The following EYS variants were observed in gnomAD, a reference collection of about 807,000 sequenced individuals.
EYS encodes the protein protein eyes shut homolog.
In EYS, 250 loss-of-function variants were observed where a neutral mutation model predicts 282.1. The observed-to-expected ratio is 0.89, with a 90% CI of 0.80 to 0.98. The LOEUF (loss-of-function observed/expected upper bound fraction) is 0.98, where lower values mean the gene tolerates loss of function less well. Ranked by LOEUF, EYS falls within the 50% of genes least tolerant of loss-of-function variation. EYS has a pLI of 0.00. For missense variants in EYS, 4,016 were observed against 3,709.0 expected, an observed-to-expected ratio of 1.08 and a Z score of -2.15; for synonymous variants, 1,355 against 1,282.9, an observed-to-expected ratio of 1.06 and a Z score of -1.20.
intron 5 of EYS, among the ~76,000 whole-genome samples, chr6:65,459,130 T>C (rs1004285243): frequency 6.6e-6 from 1 of 152,118 alleles, no homozygotes; most frequent in African/African-American, 2.4e-5. Context: ...TAAAATCTGA[T>C]AAGATGGCTC....
chr6:64,001,317 G>C (rs1290430973), intron 33 of EYS, among the ~76,000 whole-genome samples: 1 of 152,192 alleles, frequency 6.6e-6, no homozygotes, highest in Non-Finnish European at 1.5e-5. Flanking sequence ...GATCTCTAAG[G>C]AGATTTTTGT....
At chr6:65,216,546 G>A (rs1453397711) in intron 12 of EYS, among the ~76,000 whole-genome samples, 1 of 151,758 alleles carries the variant, frequency 6.6e-6, no homozygotes, top group Non-Finnish European at 1.5e-5. Context: ...AGAAGCACTA[G>A]TTTGCTATTG....
chr6:63,915,949 G>A (rs991293664), intron 35 of EYS, among the ~76,000 whole-genome samples: 3 of 152,184 alleles, frequency 2.0e-5, no homozygotes, highest in Non-Finnish European at 4.4e-5. Context: ...TGATGTAAAC[G>A]TTACTGAAAT....
chr6:64,293,673 C>G (rs906207921), intron 30 of EYS, among the ~76,000 whole-genome samples: 1 of 151,920 alleles, frequency 6.6e-6, no homozygotes, highest in Non-Finnish European at 1.5e-5. Context: ...TTTTTTTTAA[C>G]AAAGTATTTT....
At chr6:63,975,992 C>G (rs1012119053) in intron 35 of EYS, among the ~76,000 whole-genome samples, 6 of 152,004 alleles carry the variant, frequency 3.9e-5, no homozygotes, top group Non-Finnish European at 5.9e-5. Context: ...TAATACAGAT[C>G]TGTACAGCAT....
chr6:65,655,604 T>TA (rs1767792688), intron 1 of EYS, among the ~76,000 whole-genome samples: 1 of 151,820 alleles, frequency 6.6e-6, no homozygotes. Context: ...TCAACACTTT[T>TA]AAAATAGGCC....
intron 33 of EYS, among the ~76,000 whole-genome samples, chr6:64,045,442 T>TTTTA (rs1206914627): frequency 2.4e-5 from 3 of 124,290 alleles, no homozygotes; most frequent in African/African-American, 5.7e-5. Context: ...ATTTTATTTA[T>TTTTA]TTTATTTTAT....
rs2149679001 is a variant in EYS at position 63,806,366 on chromosome 6, T to C, written c.7235A>G (p.Asn2412Ser). 1 of 1,533,958 alleles carries C rather than the reference T, an allele frequency of 6.5e-7. No individual in the cohort carries two copies. ...GCCACTGAACCTTGGCTGAGTAATATTAATAGCTGTGAAAAAACCCAAACC... is the reference window on the plus strand; with the variant it reads ...GCCACTGAACCTTGGCTGAGTAATACTAATAGCTGTGAAAAAACCCAAACC... ...RSGPLCTDAINITQPRFSGTD... is the reference protein window; with the variant it reads ...RSGPLCTDAISITQPRFSGTD... The change falls in exon 37 of 43, where the codon AAT (asparagine) becomes AGT (serine). Residue 2412 changes from asparagine (N) to serine (S), a missense_variant. Transcript: ENST00000503581.
intron 22 of EYS, among the ~76,000 whole-genome samples, chr6:64,782,200 G>A (rs1773884116): frequency 6.6e-6 from 1 of 152,158 alleles, no homozygotes; most frequent in Non-Finnish European, 1.5e-5. Flanking sequence ...CTGTATTTAT[G>A]CCCCATACTT....
chr6:64,049,145 G>C (rs1770725513), intron 33 of EYS, among the ~76,000 whole-genome samples: 1 of 152,122 alleles, frequency 6.6e-6, no homozygotes, highest in African/African-American at 2.4e-5. Context: ...ACAGTGATCA[G>C]TTGTTTTTCC....
chr6:65,023,873 G>A (rs1254143143), intron 13 of EYS, among the ~76,000 whole-genome samples: 1 of 152,200 alleles, frequency 6.6e-6, no homozygotes, highest in South Asian at 2.1e-4. Flanking sequence ...GCTGAGAGAA[G>A]ATGCTGAATT....
intron 26 of EYS, among the ~76,000 whole-genome samples, chr6:64,481,308 C>A (rs1776430980): frequency 6.9e-6 from 1 of 145,798 alleles, no homozygotes; most frequent in Admixed American, 6.9e-5. Flanking sequence ...AATTAGAGAG[C>A]ATAGAAAAAG....
At chr6:63,741,550 A>C (rs749467471) in intron 41 of EYS, among the ~76,000 whole-genome samples, 32 of 152,216 alleles carry the variant, frequency 2.1e-4, no homozygotes, top group Admixed American at 1.6e-3. Flanking sequence ...AAGATCAAGA[A>C]AAAGATTCAA....
Position 64,703,334 on chromosome 6 carries a change from T to TACTGGAGG in EYS, c.3444-77097_3444-77090dup, listed in dbSNP as rs202165160. 4.4e-3 allele frequency among the ~76,000 whole-genome samples: 658 copies of TACTGGAGG among 148,504 alleles called. 2 individuals carry two copies. Among genetic ancestry groups the TACTGGAGG allele is most frequent in the African/African-American group, 0.015 (622 of 40,484 alleles). Reference sequence around the variant, plus strand: ...GCAATGCTAATTTTTTATGTATGTATACTGGAGGTTTCTTAAATATATACA... The same window carrying TACTGGAGG: ...GCAATGCTAATTTTTTATGTATGTATACTGGAGGACTGGAGGTTTCTTAAATATATACA... On this transcript the variant is annotated intron_variant, in intron 22 of 42. Transcript: ENST00000503581.
chr6:64,826,603 T>C (rs1470576538), intron 19 of EYS, among the ~76,000 whole-genome samples: 1 of 151,006 alleles, frequency 6.6e-6, no homozygotes, highest in African/African-American at 2.4e-5. Context: ...ATAGGTTTGA[T>C]CAGCAAAACA....
At chr6:64,584,012 C>T (rs1766153547) in intron 26 of EYS, among the ~76,000 whole-genome samples, 2 of 151,952 alleles carry the variant, frequency 1.3e-5, no homozygotes, top group Non-Finnish European at 2.9e-5. Flanking sequence ...TATTATAATG[C>T]TATGACTTAC....
chr6:63,908,385 T>G (rs2149736242), intron 35 of EYS, among the ~76,000 whole-genome samples: 1 of 152,242 alleles, frequency 6.6e-6, no homozygotes, highest in Non-Finnish European at 1.5e-5. Context: ...ACAACCTCTA[T>G]GGAAAACAGT....
chr6:65,175,169 T>A (rs546600091), intron 12 of EYS, among the ~76,000 whole-genome samples: 1 of 151,382 alleles, frequency 6.6e-6, no homozygotes, highest in East Asian at 2.0e-4. Context: ...CAAACAAAAA[T>A]AGTAGGTCAA....
At position 65,572,649 on chromosome 6, in the gene EYS, G is replaced by A. The variant is rs554168377; in HGVS notation, c.-333+67129C>T. On this transcript the variant is annotated intron_variant, in intron 2 of 42. Coordinates refer to ENST00000503581, the MANE Select transcript of EYS (RefSeq NM_001142800.2). ...TCAGAGCAACAGGCGATACCATGTA[G>A]TCTAGGTATGTAGTAGTCAGTACCA... 2.1e-4 allele frequency among the ~76,000 whole-genome samples: 32 copies of A among 152,216 alleles called. 1 individual carries two copies. Among genetic ancestry groups the A allele is most frequent in the African/African-American group, 5.1e-4 (21 of 41,550 alleles).
Sources: allele counts gnomAD v4.1 joint callset (sites outside exome capture counted in the v4.1 genomes callset), GRCh38; gene constraint gnomAD v4.1.1; transcripts MANE v1.5; gene names NCBI Gene and HGNC (gene_info 2026-07-23, HGNC 2026-07-21).